CSMD1: variants seen among roughly 807,000 people sequenced by gnomAD.
The protein encoded by CSMD1 is CUB and Sushi multiple domains 1.
A neutral mutation model predicts 417.5 loss-of-function variants in CSMD1; 213 were observed. The observed-to-expected ratio is 0.51, with a 90% CI of 0.46 to 0.57. The LOEUF (loss-of-function observed/expected upper bound fraction) is 0.57, where lower values mean the gene tolerates loss of function less well. Among genes scored for constraint, CSMD1 ranks in the 20% least tolerant of loss-of-function variants. CSMD1 has a pLI of 0.00. For missense variants in CSMD1, 6,923 were observed against 4,529.7 expected (o/e 1.53, Z -15.17); for synonymous variants, 2,862 against 1,736.8 (o/e 1.65, Z -16.11).
At chr8:4,954,271 G>C (rs574602251) in intron 1 of CSMD1, among the ~76,000 whole-genome samples, 3 of 152,292 alleles carry the variant, frequency 2.0e-5, no homozygotes, top group East Asian at 3.9e-4. Context: ...GATATGGTGT[G>C]ATAAGTGTTA....
chr8:4,744,929 A>G (rs1337034679), intron 1 of CSMD1, among the ~76,000 whole-genome samples: 1 of 152,198 alleles, frequency 6.6e-6, no homozygotes, highest in African/African-American at 2.4e-5. Context: ...ATCCAAATCA[A>G]CATTTTAAAA....
intron 1 of CSMD1, among the ~76,000 whole-genome samples, chr8:4,640,252 G>T (rs1803109274): frequency 6.6e-6 from 1 of 152,162 alleles, no homozygotes; most frequent in Admixed American, 6.5e-5. Context: ...TTTGGCAACT[G>T]CTCAAAAGTT....
In CSMD1 at chr8:3,087,143, G is replaced by C. The variant is rs751697507; in HGVS notation, c.7428C>G (p.Asn2476Lys). 3.7e-6 allele frequency: 6 copies of C among 1,613,820 alleles called. No homozygotes were observed. The highest frequency in any genetic ancestry group is 5.1e-6 in the Non-Finnish European group (6 of 1,179,904). Residue 2476 changes from asparagine to lysine, a missense_variant, in exon 49 of 70, where the codon AAC becomes AAG. By Grantham distance (94) the Asn-to-Lys change is moderately conservative. Coordinates refer to ENST00000635120, the MANE Select transcript of CSMD1 (RefSeq NM_033225.6). ...VGHSNATCRR[N>K]PLGMYQWDSL... Reference sequence around the variant, plus strand: ...AGTCCCACTGGTACATGCCAAGTGGGTTTCGTCTACAGGTTGCATTGCTGT... The same window carrying C: ...AGTCCCACTGGTACATGCCAAGTGGCTTTCGTCTACAGGTTGCATTGCTGT...
At chr8:3,726,049 C>G (rs950797282) in intron 6 of CSMD1, among the ~76,000 whole-genome samples, 9 of 152,124 alleles carry the variant, frequency 5.9e-5, no homozygotes, top group African/African-American at 2.2e-4. Flanking sequence ...TTATGCAGCT[C>G]TCAGGAAATC....
chr8:4,928,457 T>C (rs990292005), intron 1 of CSMD1, among the ~76,000 whole-genome samples: 3 of 152,194 alleles, frequency 2.0e-5, no homozygotes, highest in Non-Finnish European at 4.4e-5. Flanking sequence ...AAGTGCACCA[T>C]AGGGGCTCAG....
At chr8:4,087,534 C>A (rs1382177431) in intron 3 of CSMD1, among the ~76,000 whole-genome samples, 2 of 152,108 alleles carry the variant, frequency 1.3e-5, no homozygotes, top group Non-Finnish European at 2.9e-5. Flanking sequence ...AAAAGCAAGG[C>A]GAGGCTTTCC....
chr8:3,746,264 A>T (rs1797061312), intron 6 of CSMD1, among the ~76,000 whole-genome samples: 1 of 152,198 alleles, frequency 6.6e-6, no homozygotes, highest in Non-Finnish European at 1.5e-5. Flanking sequence ...GCGGGAAAAC[A>T]ATTTACGAAG....
At chr8:4,044,270 T>C (rs1381591145) in intron 3 of CSMD1, among the ~76,000 whole-genome samples, 2 of 152,078 alleles carry the variant, frequency 1.3e-5, no homozygotes, top group Non-Finnish European at 2.9e-5. Context: ...TTAAAAAATA[T>C]AAAAATGGCA....
At chr8:3,722,458 C>T (rs1472259866) in intron 6 of CSMD1, among the ~76,000 whole-genome samples, 1 of 152,040 alleles carries the variant, frequency 6.6e-6, no homozygotes, top group African/African-American at 2.4e-5. Flanking sequence ...AAGTGCTTGC[C>T]CCAACCTCAG....
chr8:4,622,192 G>C (rs1461295988), intron 2 of CSMD1, among the ~76,000 whole-genome samples: 1 of 151,380 alleles, frequency 6.6e-6, no homozygotes, highest in East Asian at 1.9e-4. Flanking sequence ...AAAAAAGAAT[G>C]GCAGACATAT....
At chr8:3,293,037 C>G (rs928693541) in intron 25 of CSMD1, among the ~76,000 whole-genome samples, 10 of 151,990 alleles carry the variant, frequency 6.6e-5, no homozygotes, top group Admixed American at 2.0e-4. Context: ...GACAAAATCT[C>G]TCAGCATTTG....
At chr8:4,022,333 T>G (rs552556538) in intron 4 of CSMD1, among the ~76,000 whole-genome samples, 1 of 152,006 alleles carries the variant, frequency 6.6e-6, no homozygotes, top group Non-Finnish European at 1.5e-5. Flanking sequence ...ACCCCTCCAA[T>G]TCAGCAGAAG....
chr8:4,260,193 A>C (rs1274274973), intron 3 of CSMD1, among the ~76,000 whole-genome samples: 1 of 152,220 alleles, frequency 6.6e-6, no homozygotes, highest in East Asian at 1.9e-4. Context: ...GATTATTATC[A>C]GGTGTTGCCT....
intron 5 of CSMD1, among the ~76,000 whole-genome samples, chr8:3,855,932 T>C (rs1256035004): frequency 1.3e-5 from 2 of 152,222 alleles, no homozygotes; most frequent in African/African-American, 4.8e-5. Flanking sequence ...GTGAGATAAA[T>C]ATTGAATCCC....
chr8:4,282,547 T>A (rs1468300067), intron 3 of CSMD1, among the ~76,000 whole-genome samples: 1 of 152,210 alleles, frequency 6.6e-6, no homozygotes, highest in Non-Finnish European at 1.5e-5. Flanking sequence ...GTAATGTGTT[T>A]TTCTATGCAG....
chr8:3,646,859 A>C (rs1258243487), intron 7 of CSMD1, among the ~76,000 whole-genome samples: 2 of 152,040 alleles, frequency 1.3e-5, no homozygotes, highest in Non-Finnish European at 2.9e-5. Context: ...TCTCTGGCTG[A>C]ATTTGGGTCA....
intron 25 of CSMD1, 24 bp downstream of exon 25, chr8:3,307,671 C>T: frequency 1.2e-6 from 2 of 1,609,488 alleles, no homozygotes; most frequent in Non-Finnish European, 8.5e-7. Flanking sequence ...TCTCAAATCA[C>T]TGAAACCAAA....
intron 1 of CSMD1, among the ~76,000 whole-genome samples, chr8:4,682,232 G>C (rs1351056923): frequency 6.6e-6 from 1 of 152,066 alleles, no homozygotes; most frequent in Admixed American, 6.5e-5. Context: ...ATTTCACTAT[G>C]TTGCCCAGGC....
intron 32 of CSMD1, among the ~76,000 whole-genome samples, 198 bp from the exon 33 acceptor site, chr8:3,200,007 C>A (rs552728096): frequency 6.6e-6 from 1 of 152,030 alleles, no homozygotes; most frequent in Non-Finnish European, 1.5e-5. Context: ...ATAGGCAGTG[C>A]ATTTGATTAA....
Sources: allele counts gnomAD v4.1 joint callset (sites outside exome capture counted in the v4.1 genomes callset), GRCh38; gene constraint gnomAD v4.1.1; transcripts MANE v1.5; gene names NCBI Gene and HGNC (gene_info 2026-07-23, HGNC 2026-07-21).